TBXAS1: variants seen among roughly 807,000 people sequenced by gnomAD.
TBXAS1 encodes the protein thromboxane A synthase 1.
Under a neutral mutation model 60.7 loss-of-function variants are expected in TBXAS1, and 48 were observed. That is an observed-to-expected ratio of 0.79 (90% CI 0.63 to 1.01). TBXAS1 has a LOEUF of 1.01. Ranked by LOEUF, TBXAS1 falls within the 50% of genes least tolerant of loss-of-function variation. TBXAS1 has a pLI of 0.00. For missense variants in TBXAS1, 685 were observed against 686.3 expected, an observed-to-expected ratio of 1.00 and a Z score of 0.02; for synonymous variants, 287 against 269.7, an observed-to-expected ratio of 1.06 and a Z score of -0.63.
In TBXAS1 at chr7:139,955,463, T is replaced by C. The variant is rs368219976; in HGVS notation, c.544T>C (p.Tyr182His). The C allele has an allele frequency of 1.9e-6, 3 of 1,614,090 alleles. No individual in the cohort carries two copies. Among genetic ancestry groups the C allele is most frequent in the Non-Finnish European group, 1.7e-6 (2 of 1,180,042 alleles). Residue 182 changes from tyrosine to histidine, a missense_variant, in exon 7 of 13, where the codon TAC (tyrosine) becomes CAC (histidine). By Grantham distance (83) the Tyr-to-His change is moderately conservative. Coordinates refer to ENST00000448866, the MANE Select transcript of TBXAS1 (RefSeq NM_001061.7). ...CTGTGCTCCCATCTCCCGTAGGTGC[T>C]ACTGCAATTACACCACAGATGTGGT... ...SGDAFDIQRC[Y>H]CNYTTDVVAS...
At chr7:139,812,794 C>G (rs963671222) in intron 4 of TBXAS1, among the ~76,000 whole-genome samples, 3 of 152,112 alleles carry the variant, frequency 2.0e-5, no homozygotes, top group Non-Finnish European at 4.4e-5. Context: ...CGGTGACTCA[C>G]GCCTGTAATC....
intron 6 of TBXAS1, among the ~76,000 whole-genome samples, chr7:139,954,263 C>A (rs1459924714): frequency 6.6e-6 from 1 of 152,202 alleles, no homozygotes; most frequent in Non-Finnish European, 1.5e-5. Flanking sequence ...ACTGGTATTG[C>A]ACCAGTTTAC....
At position 139,953,407 on chromosome 7, in the gene TBXAS1, G is replaced by C. The variant is rs746537232; in HGVS notation, c.490G>C (p.Ala164Pro). The C allele has an allele frequency of 6.2e-7, 1 of 1,614,122 alleles. No homozygotes were observed. Residue 164 changes from alanine (A) to proline (P), a missense_variant, in exon 6 of 13, where the codon GCT (alanine) becomes CCT (proline). Physicochemically the swap from Ala to Pro is conservative, Grantham distance 27. Transcript: ENST00000448866. The stretch of plus-strand genomic sequence containing the variant: ...CAGCCAAGCCTGCGACCTTCTCCTG[G>C]CTCATTTAAAACGCTATGCGGAATC... ...LISQACDLLL[A>P]HLKRYAESGD...
chr7:139,921,754 A>G lies in TBXAS1; in HGVS notation c.333+10433A>G, dbSNP rs143648045. On this transcript the variant is annotated intron_variant, in intron 4 of 12. Coordinates refer to ENST00000448866, the MANE Select transcript of TBXAS1 (RefSeq NM_001061.7). ...CATTCCAATGTATAGAAACACCACAATCTATTCCTCTGTCAATAAACATAT... is the reference window on the plus strand; with the variant it reads ...CATTCCAATGTATAGAAACACCACAGTCTATTCCTCTGTCAATAAACATAT... Among the ~76,000 whole-genome samples, 882 of 152,340 alleles carry G rather than the reference A, an allele frequency of 5.8e-3. 8 individuals carry two copies. The highest frequency in any genetic ancestry group is 0.025 in the South Asian group (120 of 4,830).
intron 1 of TBXAS1, among the ~76,000 whole-genome samples, chr7:139,833,069 A>C (rs563983490): frequency 1.8e-4 from 27 of 152,294 alleles, no homozygotes; most frequent in South Asian, 6.2e-4. Flanking sequence ...CAAAAGCAAA[A>C]AACAACAACA....
At chr7:139,952,780 A>G (rs1269155420) in intron 5 of TBXAS1, 3 of 1,325,984 alleles carry the variant, frequency 2.3e-6, no homozygotes, top group Non-Finnish European at 2.0e-6. Context: ...GGCATCTTGA[A>G]GTCAAGGTTT....
intron 2 of TBXAS1, among the ~76,000 whole-genome samples, chr7:139,872,830 C>G (rs1049581563): frequency 6.6e-6 from 1 of 152,136 alleles, no homozygotes; most frequent in East Asian, 1.9e-4. Context: ...AAGAATCCAT[C>G]TCTTATCACT....
chr7:139,995,390 C>T (rs1339357137), intron 9 of TBXAS1, among the ~76,000 whole-genome samples: 3 of 152,044 alleles, frequency 2.0e-5, no homozygotes, highest in Admixed American at 6.6e-5. Flanking sequence ...GAGGGGTGTG[C>T]GGAGGGCAAG....
intron 9 of TBXAS1, among the ~76,000 whole-genome samples, chr7:139,971,748 C>T (rs930811092): frequency 3.3e-5 from 5 of 152,138 alleles, no homozygotes; most frequent in Admixed American, 3.3e-4. Context: ...GCTTAGAGAC[C>T]GCTGTGCCTC....
At chr7:139,845,324 C>T (rs980549116) in intron 1 of TBXAS1, among the ~76,000 whole-genome samples, 4 of 152,120 alleles carry the variant, frequency 2.6e-5, no homozygotes, top group African/African-American at 9.7e-5. Context: ...TGCCCCTCTG[C>T]AGGTTTAACT....
chr7:139,974,197 G>T (rs955473780), intron 9 of TBXAS1, among the ~76,000 whole-genome samples: 2 of 152,154 alleles, frequency 1.3e-5, no homozygotes, highest in African/African-American at 4.8e-5. Context: ...GAGGGAGGGT[G>T]GTTCCTTAAA....
Position 140,016,374 on chromosome 7 carries a change from T to A in TBXAS1, c.1364+514T>A, listed in dbSNP as rs539431929. 3.0e-4 allele frequency: 73 copies of A among 244,380 alleles called. 1 individual carries two copies. The highest frequency in any genetic ancestry group is 2.7e-3 in the South Asian group (56 of 21,084). 15.1% of individuals were successfully genotyped at this position (244,380 alleles called of 1,614,324 possible). On this transcript the variant is annotated intron_variant, in intron 11 of 12. Coordinates refer to ENST00000448866, the MANE Select transcript of TBXAS1 (RefSeq NM_001061.7). Reference sequence around the variant, plus strand: ...TAAAAATAAATAAATAAATAAATAATTATACCATTTTTTCAAGGTCCAAAC... The same window carrying A: ...TAAAAATAAATAAATAAATAAATAAATATACCATTTTTTCAAGGTCCAAAC...
At chr7:139,952,585 G>C (rs559884287) in intron 5 of TBXAS1, 2 of 1,537,104 alleles carry the variant, frequency 1.3e-6, no homozygotes, top group Admixed American at 3.9e-5. Flanking sequence ...AGAATAAAAG[G>C]TCACATGGGT....
At chr7:139,949,793 A>T (rs1193870567) in intron 5 of TBXAS1, among the ~76,000 whole-genome samples, 1 of 152,150 alleles carries the variant, frequency 6.6e-6, no homozygotes, top group African/African-American at 2.4e-5. Context: ...TCCCCAGCTG[A>T]CTCATCAGTA....
At chr7:139,862,187 A>T (rs1801019270) in intron 1 of TBXAS1, among the ~76,000 whole-genome samples, 1 of 152,220 alleles carries the variant, frequency 6.6e-6, no homozygotes, top group African/African-American at 2.4e-5. Context: ...ACTGGAGCTC[A>T]GTGGAGAAAA....
Position 139,804,923 on chromosome 7 carries a change from C to A in TBXAS1, c.-80+17497C>A, listed in dbSNP as rs568136233. 2.0e-5 allele frequency among the ~76,000 whole-genome samples: 3 copies of A among 152,274 alleles called. No homozygotes were observed. In the East Asian group the frequency reaches 5.8e-4, roughly 29 times the overall value. On this transcript the variant is annotated intron_variant, in intron 4 of 16. Coordinates refer to the TBXAS1 transcript ENST00000336425. The stretch of plus-strand genomic sequence containing the variant: ...ACTAATACAACATGTTTGTTTTTCC[C>A]TCTTAATATATTTTGGAATGAGGAA...
At chr7:139,843,586 G>A (rs1049095969) in intron 1 of TBXAS1, among the ~76,000 whole-genome samples, 1 of 151,994 alleles carries the variant, frequency 6.6e-6, no homozygotes, top group African/African-American at 2.4e-5. Flanking sequence ...CAGGTGATCC[G>A]CCCACCTCGG....
intron 1 of TBXAS1, among the ~76,000 whole-genome samples, chr7:139,840,936 C>G (rs2116570136): frequency 6.6e-6 from 1 of 152,334 alleles, no homozygotes; most frequent in Admixed American, 6.5e-5. Context: ...CCACCGAGTG[C>G]CTTCCCGATC....
intron 1 of TBXAS1, among the ~76,000 whole-genome samples, chr7:139,842,786 C>T (rs1799547339): frequency 6.6e-6 from 1 of 152,246 alleles, no homozygotes; most frequent in South Asian, 2.1e-4. Flanking sequence ...TGGGGCCCTC[C>T]TAAACCTCCC....
Sources: allele counts gnomAD v4.1 joint callset (sites outside exome capture counted in the v4.1 genomes callset), GRCh38; gene constraint gnomAD v4.1.1; transcripts MANE v1.5; gene names NCBI Gene and HGNC (gene_info 2026-07-23, HGNC 2026-07-21).